The following ADGRL1 variants were observed in gnomAD, a reference collection of about 807,000 sequenced individuals.
The protein encoded by ADGRL1 is CIRL-1.
Under a neutral mutation model 148.9 loss-of-function variants are expected in ADGRL1, and 31 were observed. The observed-to-expected ratio is 0.21, with a 90% CI of 0.16 to 0.28. The LOEUF (loss-of-function observed/expected upper bound fraction) is 0.28. Ranked by LOEUF, ADGRL1 falls within the 10% of genes least tolerant of loss-of-function variation. The pLI, the probability that ADGRL1 is intolerant of heterozygous loss-of-function variation, is 1.00. For synonymous variants in ADGRL1, 937 were observed against 900.3 expected (o/e 1.04, Z -0.73); for missense variants, 1,521 against 2,058.8 (o/e 0.74, Z 5.05).
chr19:14,184,305 A>G (rs1291150580), intron 1 of ADGRL1, among the ~76,000 whole-genome samples: 1 of 152,088 alleles, frequency 6.6e-6, no homozygotes, highest in Middle Eastern at 3.4e-3. Flanking sequence ...TGGGAGGCGG[A>G]CACTGCCTCC....
In ADGRL1 at chr19:14,149,480, C is replaced by G. The variant is rs745705405; in HGVS notation, c.*1393G>C. 1 of 153,248 alleles carries G rather than the reference C, an allele frequency of 6.5e-6. No individual in the cohort carries two copies. The highest frequency in any genetic ancestry group is 2.4e-5 in the African/African-American group (1 of 41,564). 9.5% of individuals were successfully genotyped at this position (153,248 alleles called of 1,614,324 possible). On this transcript the variant is annotated 3_prime_UTR_variant, in exon 23 of 23. Coordinates refer to ENST00000361434, the MANE Select transcript of ADGRL1 (RefSeq NM_014921.5). ...GGGAAATCAGCCCCATCTTCCCCGG[C>G]GAGAGTCCCCAGAGCAATATACAAG...
At position 14,147,876 on chromosome 19, in the gene ADGRL1, A is replaced by C. The variant is rs1411170982; in HGVS notation, c.*2997T>G. 6.6e-6 allele frequency: 1 copy of C among 152,462 alleles called. No individual in the cohort carries two copies. Among genetic ancestry groups the C allele is most frequent in the East Asian group, 1.9e-4 (1 of 5,186 alleles). 9.4% of individuals were successfully genotyped at this position (152,462 alleles called of 1,614,324 possible). On this transcript the variant is annotated 3_prime_UTR_variant, in exon 23 of 23. Coordinates refer to ENST00000361434, the MANE Select transcript of ADGRL1 (RefSeq NM_014921.5). The stretch of plus-strand genomic sequence containing the variant: ...GTTCTCGTTAAATGCACTCGACCCA[A>C]AATTGGTTTGGCATATCGAAAAGGA...
intron 1 of ADGRL1, among the ~76,000 whole-genome samples, chr19:14,188,523 G>A (rs765613022): frequency 3.9e-5 from 6 of 151,950 alleles, no homozygotes; most frequent in East Asian, 1.9e-4. Context: ...ATCAGTGCAC[G>A]GTGCCACCAT....
At chr19:14,179,200 T>TA (rs958589088) in intron 2 of ADGRL1, among the ~76,000 whole-genome samples, 70 of 140,292 alleles carry the variant, frequency 5.0e-4, no homozygotes, top group Non-Finnish European at 8.2e-4. Context: ...AAATAAAAAA[T>TA]AAAAAAAAAA....
At chr19:14,194,098 G>A (rs180681906) in intron 1 of ADGRL1, among the ~76,000 whole-genome samples, 26 of 152,278 alleles carry the variant, frequency 1.7e-4, no homozygotes, top group Admixed American at 1.6e-3. Flanking sequence ...TAAAAAAGTA[G>A]CTGGGCATGA....
rs1321876460 is a variant in ADGRL1, at chr19:14,162,559, G to A, written c.1195+47C>T. On this transcript the variant is annotated intron_variant, in intron 5 of 22. Transcript: ENST00000361434. This position sits in a 1 kb window ranked among gnomAD's most constrained non-coding sequence, Gnocchi z 5.4. The stretch of plus-strand genomic sequence containing the variant: ...GACCCAGGGGTGGGTGGGGGTGGAG[G>A]GGACAAAGGCAAGCAGGCTCCATGC... 1 of 1,538,972 alleles carries A rather than the reference G, an allele frequency of 6.5e-7. No individual in the cohort carries two copies. Among genetic ancestry groups the A allele is most frequent in the Non-Finnish European group, 8.8e-7 (1 of 1,131,762 alleles).
intron 1 of ADGRL1, chr19:14,191,485 A>G (rs1971936960): frequency 2.2e-6 from 1 of 456,140 alleles, no homozygotes; most frequent in African/African-American, 2.0e-5. Flanking sequence ...CACCTTCTCT[A>G]TTAGCTCGGG....
rs562415321 is a variant in ADGRL1, at chr19:14,177,677, G to A, written c.138C>T (p.Ile46=). 49 of 1,614,158 alleles carry A rather than the reference G, an allele frequency of 3.0e-5. 1 individual carries two copies. Among genetic ancestry groups the A allele is most frequent in the South Asian group, 2.4e-4 (22 of 91,082 alleles). The change falls in exon 3 of 23, where the codon ATC becomes ATT. Residue 46 remains isoleucine (I), a synonymous_variant. Coordinates refer to ENST00000361434, the MANE Select transcript of ADGRL1 (RefSeq NM_014921.5). ...RRELACEGYP[I]ELRCPGSDVI... is the part of the protein sequence containing the mutation. ...CGTCGCTGCCGGGGCACCGCAGCTCGATGGGGTAGCCTTCACACGCCAGCT... is the reference window on the plus strand; with the variant it reads ...CGTCGCTGCCGGGGCACCGCAGCTCAATGGGGTAGCCTTCACACGCCAGCT...
intron 2 of ADGRL1, 62 bp downstream of exon 2, chr19:14,183,471 T>A: frequency 2.3e-6 from 3 of 1,328,522 alleles, no homozygotes; most frequent in Non-Finnish European, 3.0e-6. Context: ...TTCAACATTT[T>A]ATCTGCCCCC....
intron 1 of ADGRL1, among the ~76,000 whole-genome samples, chr19:14,201,777 C>G (rs1972629227): frequency 6.6e-6 from 1 of 152,012 alleles, no homozygotes; most frequent in Non-Finnish European, 1.5e-5. Flanking sequence ...CTGGGATTCC[C>G]AAAGCAAAGC....
intron 4 of ADGRL1, among the ~76,000 whole-genome samples, chr19:14,167,487 C>T (rs1479722365): frequency 6.6e-6 from 1 of 152,128 alleles, no homozygotes; most frequent in African/African-American, 2.4e-5. Flanking sequence ...GCTCCCTTCC[C>T]ACCCTGCCTG....
chr19:14,151,534 C>T lies in ADGRL1; in HGVS notation c.3749G>A (p.Arg1250Gln), dbSNP rs775561998. ...ATCCCCGGGAGGGAAATCCCCACTT[C>T]GCAAGGAGTAACTGTTATTGAAGTT... ...NGNFNNSYSL[R>Q]SGDFPPGDGG... The change falls in exon 23 of 23, where the codon CGA (arginine) becomes CAA (glutamine). Residue 1250 changes from arginine to glutamine, a missense_variant. Arg to Gln is a conservative substitution (Grantham distance 43). This residue lies in a region of ADGRL1 where 390 missense variants were observed against 375.0 expected (regional missense o/e 1.04). Transcript: ENST00000361434. The T allele has an allele frequency of 4.5e-5, 72 of 1,611,106 alleles. No homozygotes were observed. The highest frequency in any genetic ancestry group is 5.5e-5 in the South Asian group (5 of 90,790).
In ADGRL1 at chr19:14,161,280, A is replaced by G. The variant is rs1405214253; in HGVS notation, c.1510+32T>C. ...CTAAGCTGCTGGGGGCATGGCCCCC[A>G]TCCCTCCCCTGGCTGCAGCCTCTGT... is the stretch of plus-strand genomic sequence containing the variant. On this transcript the variant is annotated intron_variant, in intron 6 of 22. Coordinates refer to ENST00000361434, the MANE Select transcript of ADGRL1 (RefSeq NM_014921.5). This position sits in a 1 kb window ranked among gnomAD's most constrained non-coding sequence, Gnocchi z 4.4. The G allele has an allele frequency of 2.6e-6, 4 of 1,516,400 alleles. No individual in the cohort carries two copies. The East Asian group carries it at 7.1e-5, about 27-fold the overall frequency. The allele number at this position is 1,516,400 out of a possible 1,614,324, so 93.9% of individuals were successfully genotyped here.
chr19:14,160,253 G>A lies in ADGRL1; in HGVS notation c.1659C>T (p.Ala553=). The A allele has an allele frequency of 6.3e-7, 1 of 1,594,732 alleles. No homozygotes were observed. The highest frequency in any genetic ancestry group is 8.6e-7 in the Non-Finnish European group (1 of 1,164,180). Residue 553 remains alanine (A), a synonymous_variant, in exon 8 of 23, where the codon GCC becomes GCT. Coordinates refer to ENST00000361434, the MANE Select transcript of ADGRL1 (RefSeq NM_014921.5). This position sits in a 1 kb window ranked among gnomAD's most constrained non-coding sequence, Gnocchi z 5.9. The stretch of plus-strand genomic sequence containing the variant: ...CGTAGATGGAGCCCCGGGTGTGTCG[G>A]GCCAGCTCGCTGGCGATGTTGGCCG... The part of the protein sequence containing the change: ...ENAANIASEL[A]RHTRGSIYAG...
At chr19:14,180,046 A>G (rs187580392) in intron 2 of ADGRL1, among the ~76,000 whole-genome samples, 1 of 152,192 alleles carries the variant, frequency 6.6e-6, no homozygotes, top group African/African-American at 2.4e-5. Context: ...TAGGTGGTCT[A>G]TCAGGGCTAC....
intron 3 of ADGRL1, among the ~76,000 whole-genome samples, chr19:14,175,540 CCA>C (rs1970764834): frequency 6.6e-6 from 1 of 151,546 alleles, no homozygotes; most frequent in South Asian, 2.1e-4. Context: ...ACATATTCAC[CCA>C]CAAACACCCA....
intron 2 of ADGRL1, among the ~76,000 whole-genome samples, chr19:14,181,027 G>A (rs1339207425): frequency 1.3e-5 from 2 of 151,992 alleles, no homozygotes; most frequent in Admixed American, 6.6e-5. Flanking sequence ...CAGCCTGGGC[G>A]ACAGAGCGAG....
At chr19:14,169,594 T>C (rs1343489006) in intron 4 of ADGRL1, 3 of 152,228 alleles carry the variant, frequency 2.0e-5, no homozygotes, top group African/African-American at 7.2e-5. Flanking sequence ...GGGATCCTGT[T>C]TCCCCAGCAT....
rs1158820463 is a variant in ADGRL1, at chr19:14,163,427, G to A, written c.395-21C>T. 3 of 1,514,604 alleles carry A rather than the reference G, an allele frequency of 2.0e-6. No individual in the cohort carries two copies. In the Admixed American group the frequency reaches 6.0e-5, roughly 30 times the overall value. 93.8% of individuals were successfully genotyped at this position (1,514,604 alleles called of 1,614,324 possible). ...GAAGACTGGGCAGAGTGGGCGGGAG[G>A]GGAGGAGGTAGGAGAGAAGGGGCAG... On this transcript the variant is annotated intron_variant, in intron 4 of 22. Coordinates refer to ENST00000361434, the MANE Select transcript of ADGRL1 (RefSeq NM_014921.5).
Sources: allele counts gnomAD v4.1 joint callset (sites outside exome capture counted in the v4.1 genomes callset), GRCh38; gene constraint gnomAD v4.1.1; regional missense constraint gnomAD v4.1.1; non-coding constraint Gnocchi (gnomAD v3.1); transcripts MANE v1.5; gene names NCBI Gene and HGNC (gene_info 2026-07-23, HGNC 2026-07-21).